The following RORA variants were observed in gnomAD, a reference collection of about 807,000 sequenced individuals.
RORA encodes RAR related orphan receptor A.
Under a neutral mutation model 69.5 loss-of-function variants are expected in RORA, and 7 were observed. The observed-to-expected ratio is 0.10, with a 90% CI of 0.06 to 0.19. The LOEUF (loss-of-function observed/expected upper bound fraction) is 0.19. RORA is among the 10% of genes least tolerant of loss of function. The pLI, the probability that RORA is intolerant of heterozygous loss-of-function variation, is 1.00. For missense variants in RORA, 457 were observed against 663.0 expected (o/e 0.69, Z 3.41); for synonymous variants, 261 against 240.8 (o/e 1.08, Z -0.78).
At chr15:60,527,931 C>T (rs985087729) in intron 3 of RORA, 2 of 152,424 alleles carry the variant, frequency 1.3e-5, no homozygotes, top group Non-Finnish European at 1.5e-5. Flanking sequence ...AATGCCCTCC[C>T]AGCCACCTTG....
intron 1 of RORA, among the ~76,000 whole-genome samples, chr15:60,925,518 A>T (rs1595820603): frequency 6.6e-6 from 1 of 151,556 alleles, no homozygotes; most frequent in South Asian, 2.1e-4. Context: ...AGTTGTAAAG[A>T]CTCTCGCCCC....
chr15:60,920,965 G>C (rs2062093), intron 1 of RORA, among the ~76,000 whole-genome samples: 99,366 of 151,970 alleles, frequency 0.65, 33,192 homozygotes, highest in East Asian at 0.87. Context: ...TGGGGCTCAT[G>C]ATCAACCCAG....
chr15:60,683,647 T>TAC (rs59854874), intron 1 of RORA, among the ~76,000 whole-genome samples: 2,669 of 148,560 alleles, frequency 0.018, 32 homozygotes, highest in Non-Finnish European at 0.027. Flanking sequence ...CAGATACACA[T>TAC]ACACACACAC....
chr15:60,597,901 T>C (rs1395450729), intron 2 of RORA, among the ~76,000 whole-genome samples: 1 of 151,682 alleles, frequency 6.6e-6, no homozygotes, highest in African/African-American at 2.4e-5. Flanking sequence ...CCTTTCTCTA[T>C]GCTGTGCCGT....
intron 1 of RORA, among the ~76,000 whole-genome samples, chr15:60,824,397 G>A (rs568821697): frequency 1.3e-5 from 2 of 151,640 alleles, no homozygotes; most frequent in Non-Finnish European, 2.9e-5. Context: ...TTTAAATATC[G>A]TTTTGCTGAC....
At chr15:60,662,814 CT>C (rs1392587832) in intron 2 of RORA, among the ~76,000 whole-genome samples, 1 of 152,100 alleles carries the variant, frequency 6.6e-6, no homozygotes, top group Non-Finnish European at 1.5e-5. Flanking sequence ...TTTTGTCCCC[CT>C]GTAGTGGATG....
At chr15:60,850,074 T>G (rs1379600570) in intron 1 of RORA, among the ~76,000 whole-genome samples, 2 of 152,186 alleles carry the variant, frequency 1.3e-5, no homozygotes, top group African/African-American at 4.8e-5. Flanking sequence ...CATGGCGGTA[T>G]AGCTAACGCA....
intron 1 of RORA, chr15:61,041,206 T>G (rs944654999): frequency 2.0e-5 from 3 of 152,246 alleles, no homozygotes; most frequent in African/African-American, 7.2e-5. Context: ...GCTCACAGTC[T>G]TTCTGCATCA....
intron 1 of RORA, chr15:60,736,654 T>A (rs1055866088): frequency 1.3e-5 from 2 of 152,244 alleles, no homozygotes; most frequent in Non-Finnish European, 1.5e-5. Flanking sequence ...CCATGTATTA[T>A]AATGATTTAT....
chr15:60,715,455 C>A (rs1044631439), intron 1 of RORA, among the ~76,000 whole-genome samples: 2 of 152,188 alleles, frequency 1.3e-5, no homozygotes, highest in African/African-American at 4.8e-5. Flanking sequence ...AAGACCTTCA[C>A]GTGGTGCCTC....
At chr15:60,645,582 G>A (rs191965874) in intron 2 of RORA, among the ~76,000 whole-genome samples, 67 of 152,042 alleles carry the variant, frequency 4.4e-4, no homozygotes, top group Non-Finnish European at 8.1e-4. Flanking sequence ...TTGTAAAGAC[G>A]GGGTTTCACC....
chr15:60,683,184 CT>C (rs1184150059), intron 1 of RORA, among the ~76,000 whole-genome samples: 1 of 152,076 alleles, frequency 6.6e-6, no homozygotes, highest in East Asian at 1.9e-4. Context: ...AGAATTTTTA[CT>C]TTTTTTGTAG....
chr15:61,050,316 A>G (rs1897236009), intron 1 of RORA, among the ~76,000 whole-genome samples: 1 of 152,252 alleles, frequency 6.6e-6, no homozygotes, highest in Non-Finnish European at 1.5e-5. Flanking sequence ...AAACGTGTAC[A>G]AACTTTGTCC....
At chr15:60,615,391 A>C (rs562218974) in intron 2 of RORA, among the ~76,000 whole-genome samples, 9 of 152,218 alleles carry the variant, frequency 5.9e-5, no homozygotes, top group African/African-American at 2.2e-4. Flanking sequence ...TCTAACCCTC[A>C]CCTTGCAACA....
chr15:60,587,196 T>C (rs1316749922), intron 2 of RORA, among the ~76,000 whole-genome samples: 1 of 152,176 alleles, frequency 6.6e-6, no homozygotes, highest in Non-Finnish European at 1.5e-5. Context: ...AATGCTTATA[T>C]TTCACTCATA....
At chr15:60,811,567 T>C (rs1438952220) in intron 1 of RORA, among the ~76,000 whole-genome samples, 2 of 152,246 alleles carry the variant, frequency 1.3e-5, no homozygotes, top group African/African-American at 4.8e-5. Flanking sequence ...AACCATTCTG[T>C]CTAAGCTCCT....
intron 1 of RORA, among the ~76,000 whole-genome samples, chr15:61,092,190 G>C (rs1007508773): frequency 2.0e-5 from 3 of 152,176 alleles, no homozygotes; most frequent in Admixed American, 6.5e-5. Context: ...ATATTGTTTA[G>C]TTTTATAACC....
intron 1 of RORA, among the ~76,000 whole-genome samples, chr15:61,139,909 A>C (rs985379226): frequency 6.6e-6 from 1 of 152,186 alleles, no homozygotes; most frequent in Non-Finnish European, 1.5e-5. Context: ...ATATAGTTAA[A>C]TGAATTGGAT....
At chr15:60,561,316 C>G (rs975126118) in intron 2 of RORA, among the ~76,000 whole-genome samples, 1 of 151,694 alleles carries the variant, frequency 6.6e-6, no homozygotes, top group African/African-American at 2.4e-5. Flanking sequence ...CTCCTGACCT[C>G]GTGATCCGCC....
Sources: allele counts gnomAD v4.1 joint callset (sites outside exome capture counted in the v4.1 genomes callset), GRCh38; gene constraint gnomAD v4.1.1; transcripts MANE v1.5; gene names NCBI Gene and HGNC (gene_info 2026-07-23, HGNC 2026-07-21).